TEX2: variants seen among roughly 807,000 people sequenced by gnomAD.
TEX2 encodes the protein testis expressed 2.
TEX2 carries 53 observed loss-of-function variants against 106.9 expected under a neutral mutation model. The observed-to-expected ratio is 0.50, with a 90% CI of 0.40 to 0.62. TEX2 has a LOEUF of 0.62. Ranked by LOEUF, TEX2 falls within the 20% of genes least tolerant of loss-of-function variation. The probability of loss-of-function intolerance (pLI) is 0.00; values close to 1 mark genes in which losing one functional copy is unlikely to be tolerated. For synonymous variants in TEX2, 523 were observed against 534.8 expected, an observed-to-expected ratio of 0.98 and a Z score of 0.30; for missense variants, 1,207 against 1,379.0, an observed-to-expected ratio of 0.88 and a Z score of 1.98.
At chr17:64,223,713 C>CTTTTTTTT (rs34897234) in intron 1 of TEX2, among the ~76,000 whole-genome samples, 2 of 110,768 alleles carry the variant, frequency 1.8e-5, no homozygotes, top group Non-Finnish European at 3.5e-5. Flanking sequence ...AACAGAGCAT[C>CTTTTTTTT]TTTTTTTTTT....
At chr17:64,183,022 C>T (rs2031941453) in intron 5 of TEX2, among the ~76,000 whole-genome samples, 1 of 151,940 alleles carries the variant, frequency 6.6e-6, no homozygotes, top group Non-Finnish European at 1.5e-5. Flanking sequence ...TCTTGTGCCT[C>T]AGCCTCCCGA....
intron 8 of TEX2, 127 bp from the exon 9 acceptor site, chr17:64,155,094 C>T (rs2030556079): frequency 2.5e-6 from 3 of 1,194,590 alleles, no homozygotes; most frequent in African/African-American, 1.6e-5. Flanking sequence ...AACTACATCT[C>T]GTCATTCTCT....
At chr17:64,231,699 TG>T (rs1238592473) in intron 1 of TEX2, among the ~76,000 whole-genome samples, 2 of 152,332 alleles carry the variant, frequency 1.3e-5, no homozygotes, top group East Asian at 3.9e-4. Context: ...ACAGAAAACC[TG>T]GTTAAGAACT....
chr17:64,189,041 T>C (rs925199158), intron 4 of TEX2, among the ~76,000 whole-genome samples: 1 of 152,172 alleles, frequency 6.6e-6, no homozygotes, highest in African/African-American at 2.4e-5. Context: ...TTGTCAGTGC[T>C]ATCAGGGGTA....
At chr17:64,258,812 T>C (rs1423749121) in intron 1 of TEX2, among the ~76,000 whole-genome samples, 4 of 150,946 alleles carry the variant, frequency 2.6e-5, no homozygotes, top group African/African-American at 9.8e-5. Context: ...CAGGCTGGAG[T>C]GCAGTGGTGC....
intron 1 of TEX2, among the ~76,000 whole-genome samples, chr17:64,243,163 G>A (rs548351560): frequency 1.2e-4 from 19 of 152,078 alleles, no homozygotes; most frequent in African/African-American, 4.3e-4. Flanking sequence ...TGCTGACCTC[G>A]TGATCCGCCT....
chr17:64,202,888 G>A (rs2032715440), intron 2 of TEX2, among the ~76,000 whole-genome samples: 1 of 152,288 alleles, frequency 6.6e-6, no homozygotes, highest in East Asian at 1.9e-4. Context: ...GACCCAGTCA[G>A]CCAGGCTGCA....
In TEX2 at chr17:64,188,149, G is replaced by A; in HGVS notation, c.2424+19C>T. 6.3e-7 allele frequency: 1 copy of A among 1,599,024 alleles called. No individual in the cohort carries two copies. The highest frequency in any genetic ancestry group is 8.5e-7 in the Non-Finnish European group (1 of 1,176,720). ...TAAGTCGAAAAGTGAAAAAGGTCCG[G>A]CCCAGCAGCCAGCTTTACCTTCTTC... is the stretch of plus-strand genomic sequence containing the variant. On this transcript the variant is annotated intron_variant, in intron 5 of 11. Transcript: ENST00000584379.
At chr17:64,237,292 A>G (rs565145195) in intron 1 of TEX2, among the ~76,000 whole-genome samples, 11 of 152,134 alleles carry the variant, frequency 7.2e-5, no homozygotes, top group African/African-American at 2.6e-4. Context: ...GGTGAGTATT[A>G]TACACACAGT....
chr17:64,225,097 CT>C (rs530386455), intron 1 of TEX2, among the ~76,000 whole-genome samples: 175 of 145,800 alleles, frequency 1.2e-3, no homozygotes, highest in Middle Eastern at 3.6e-3. Flanking sequence ...CTGGGAATAA[CT>C]TTTTTTTTTT....
intron 1 of TEX2, among the ~76,000 whole-genome samples, chr17:64,252,962 G>A (rs1159976278): frequency 1.3e-5 from 2 of 152,090 alleles, no homozygotes; most frequent in African/African-American, 2.4e-5. Flanking sequence ...ACTGGGAAGA[G>A]AAAGGTGGCC....
In TEX2 at chr17:64,191,840, A is replaced by AAAAG. The variant is rs1285030291; in HGVS notation, c.2176+1715_2176+1718dup. ...CTCAAAAAAAAAAAAAAAAAAAAAA[A>AAAAG]AAAGAAAGAAAGAAAAAGAAAGGTA... On this transcript the variant is annotated intron_variant, in intron 4 of 11. Coordinates refer to ENST00000584379, the MANE Select transcript of TEX2 (RefSeq NM_001288732.2). 1.5e-3 allele frequency among the ~76,000 whole-genome samples: 50 copies of AAAAG among 32,392 alleles called. 3 individuals carry two copies. The highest frequency in any genetic ancestry group is 3.2e-3 in the Non-Finnish European group (34 of 10,696). 21.3% of individuals were successfully genotyped at this position (32,392 alleles called of 152,430 possible). A position where few individuals can be genotyped will look rare whatever the true frequency, so the allele number is the denominator to read the frequency against.
rs1343691603 is a variant in TEX2 at position 64,185,859 on chromosome 17, T to C, written c.2424+2309A>G. Among the ~76,000 whole-genome samples the C allele has an allele frequency of 1.3e-5, 2 of 151,842 alleles. No homozygotes were observed. The highest frequency in any genetic ancestry group is 1.3e-4 in the Admixed American group (2 of 15,260). ...ATTGCTTGAACCTGGGAGGCGGAGA[T>C]GGCAGTGAGCCAAGATCACGCCATT... On this transcript the variant is annotated intron_variant, in intron 5 of 11. Transcript: ENST00000584379. The surrounding 1 kb of genome is among the most constrained non-coding windows in gnomAD (Gnocchi z 4.0).
intron 2 of TEX2, among the ~76,000 whole-genome samples, chr17:64,209,803 C>A (rs1425516319): frequency 6.6e-6 from 1 of 152,200 alleles, no homozygotes; most frequent in Non-Finnish European, 1.5e-5. Context: ...ACACCCAACA[C>A]TTAGCCCACT....
At chr17:64,157,971 C>T (rs922025804) in intron 8 of TEX2, among the ~76,000 whole-genome samples, 1 of 152,202 alleles carries the variant, frequency 6.6e-6, no homozygotes, top group Non-Finnish European at 1.5e-5. Context: ...AAAGGCAGAG[C>T]GCTCCCTTTA....
intron 1 of TEX2, among the ~76,000 whole-genome samples, chr17:64,258,438 T>C (rs2034225634): frequency 6.6e-6 from 1 of 151,814 alleles, no homozygotes; most frequent in African/African-American, 2.4e-5. Flanking sequence ...ATTTAACCTT[T>C]CTGAGCCTCA....
intron 5 of TEX2, among the ~76,000 whole-genome samples, chr17:64,183,443 T>G (rs1180607679): frequency 6.6e-6 from 1 of 152,158 alleles, no homozygotes; most frequent in Non-Finnish European, 1.5e-5. Flanking sequence ...TCTTTCTTTT[T>G]TGAGGCAGAG....
chr17:64,242,357 C>T (rs2033903333), intron 1 of TEX2: 1 of 152,192 alleles, frequency 6.6e-6, no homozygotes. Context: ...CACGGAACCA[C>T]TTTGTATAAG....
At chr17:64,219,720 G>A (rs1250231272) in intron 1 of TEX2, among the ~76,000 whole-genome samples, 6 of 152,014 alleles carry the variant, frequency 3.9e-5, no homozygotes, top group African/African-American at 1.4e-4. Context: ...TGGAAGGTTG[G>A]AAAGGAAAAG....
Sources: allele counts gnomAD v4.1 joint callset (sites outside exome capture counted in the v4.1 genomes callset), GRCh38; gene constraint gnomAD v4.1.1; non-coding constraint Gnocchi (gnomAD v3.1); transcripts MANE v1.5; gene names NCBI Gene and HGNC (gene_info 2026-07-23, HGNC 2026-07-21).